Variants in SLC17A9 observed in about 807,000 individuals in gnomAD.
The protein encoded by SLC17A9 is solute carrier family 17 member 9.
Under a neutral mutation model 55.0 loss-of-function variants are expected in SLC17A9, and 49 were observed. The ratio of observed to expected loss-of-function variants is 0.89; its 90% CI spans 0.71 to 1.13. The LOEUF (loss-of-function observed/expected upper bound fraction) is 1.13, where lower values mean the gene tolerates loss of function less well. Ranked by LOEUF, SLC17A9 falls within the 50% of genes most tolerant of loss-of-function variation. The pLI is 0.00. For synonymous variants in SLC17A9, 256 were observed against 247.4 expected (o/e 1.03, Z -0.32); for missense variants, 526 against 569.3 (o/e 0.92, Z 0.77).
chr20:62,966,318 C>T (rs2065637990), intron 10 of SLC17A9, among the ~76,000 whole-genome samples: 1 of 147,020 alleles, frequency 6.8e-6, no homozygotes, highest in African/African-American at 2.5e-5. Flanking sequence ...GTGTGCAGGG[C>T]TGCAGTGCTC....
Position 62,969,387 on chromosome 20 carries a change from C to G in SLC17A9, c.*1887C>G, listed in dbSNP as rs1037480246. ...AAGGCTAGCTCCCCGTTGCTCTCCCCCAGCCCCGGCAACCCCATTCCACTT... is the reference window on the plus strand; with the variant it reads ...AAGGCTAGCTCCCCGTTGCTCTCCCGCAGCCCCGGCAACCCCATTCCACTT... On this transcript the variant is annotated 3_prime_UTR_variant, in exon 13 of 13. Coordinates refer to ENST00000370351, the MANE Select transcript of SLC17A9 (RefSeq NM_022082.4). The G allele has an allele frequency of 6.6e-6, 1 of 152,190 alleles. No individual in the cohort carries two copies. The highest frequency in any genetic ancestry group is 2.4e-5 in the African/African-American group (1 of 41,436). The allele number at this position is 152,190 out of a possible 1,614,324, so 9.4% of individuals were successfully genotyped here. A position where few individuals can be genotyped will look rare whatever the true frequency, so the allele number is the denominator to read the frequency against.
At position 62,964,222 on chromosome 20, in the gene SLC17A9, C is replaced by G. The variant is rs747794650; in HGVS notation, c.823-6C>G. The G allele has an allele frequency of 3.1e-6, 5 of 1,613,938 alleles. No homozygotes were observed. Among genetic ancestry groups the G allele is most frequent in the Admixed American group, 3.3e-5 (2 of 60,002 alleles). ...GCCCCCTCTAAGGCCAAACTCCCCC[C>G]TGCAGGGCTGGATCTTCAACGTGGT... On this transcript the variant is annotated splice_polypyrimidine_tract_variant and splice_region_variant and intron_variant, in intron 7 of 12. Transcript: ENST00000370351.
Position 62,962,409 on chromosome 20 carries a change from C to T in SLC17A9, c.498-215C>T, listed in dbSNP as rs1439460708. On this transcript the variant is annotated intron_variant, in intron 4 of 12. Transcript: ENST00000370351. The surrounding 1 kb of genome is among the most constrained non-coding windows in gnomAD (Gnocchi z 5.5). ...ACACATGCGTGGCTGGTCCCAGGTTCGCCCCAGCCCTGTGTGCCCGGAGTC... is the reference window on the plus strand; with the variant it reads ...ACACATGCGTGGCTGGTCCCAGGTTTGCCCCAGCCCTGTGTGCCCGGAGTC... The T allele has an allele frequency of 7.0e-6, 3 of 426,686 alleles. No homozygotes were observed. The highest frequency in any genetic ancestry group is 2.1e-5 in the African/African-American group (1 of 48,550). 26.4% of individuals were successfully genotyped at this position (426,686 alleles called of 1,614,324 possible).
At chr20:62,963,712 C>T (rs368012310) in intron 7 of SLC17A9, 32 bp downstream of exon 7, 16 of 1,549,984 alleles carry the variant, frequency 1.0e-5, no homozygotes, top group Admixed American at 3.9e-5. Context: ...GGTGAAGGAG[C>T]GCCCAGAAGG....
chr20:62,959,265 C>G (rs1336325484), intron 3 of SLC17A9, among the ~76,000 whole-genome samples: 1 of 152,214 alleles, frequency 6.6e-6, no homozygotes, highest in African/African-American at 2.4e-5. Context: ...GCTCTGGGGA[C>G]CCAGCAGGCA....
chr20:62,967,243 A>C (rs1354855598), intron 12 of SLC17A9, 94 bp from the exon 13 acceptor site: 3 of 1,481,478 alleles, frequency 2.0e-6, no homozygotes, highest in Non-Finnish European at 2.8e-6. Context: ...CTAGACCCCC[A>C]GCCCTTCCCC....
In SLC17A9 at chr20:62,967,335, AGGTGTCGTG is replaced by A; in HGVS notation, c.1152_1160del (p.Val385_Val387del). On this transcript the variant is annotated splice_acceptor_variant and coding_sequence_variant, in exon 13 of 13. Transcript: ENST00000370351. LOFTEE classifies it high-confidence loss of function. ...CAGCCCGCCTGGCCCTCTCTTGGGC[AGGTGTCGTG>A]GGTGTGTGTCTAGGCGGCTACTTGA... 1 of 1,613,900 alleles carries A rather than the reference AGGTGTCGTG, an allele frequency of 6.2e-7. No individual in the cohort carries two copies. Among genetic ancestry groups the A allele is most frequent in the Non-Finnish European group, 8.5e-7 (1 of 1,179,898 alleles).
In SLC17A9 at chr20:62,964,331, G is replaced by A; in HGVS notation, c.910+16G>A. On this transcript the variant is annotated intron_variant, in intron 8 of 12. Coordinates refer to ENST00000370351, the MANE Select transcript of SLC17A9 (RefSeq NM_022082.4). Reference sequence around the variant, plus strand: ...ATCAATCAGGGTGAGCCCCAGGGAGGGGACCGGGGCTGGAAGCCACACCCT... The same window carrying A: ...ATCAATCAGGGTGAGCCCCAGGGAGAGGACCGGGGCTGGAAGCCACACCCT... 1.2e-6 allele frequency: 2 copies of A among 1,613,384 alleles called. No homozygotes were observed. The highest frequency in any genetic ancestry group is 1.7e-6 in the Non-Finnish European group (2 of 1,179,280).
rs2065622706 is a variant in SLC17A9, at chr20:62,965,039, G to A, written c.911-93G>A. 3.4e-6 allele frequency: 5 copies of A among 1,460,626 alleles called. No individual in the cohort carries two copies. In the East Asian group the frequency reaches 1.1e-4, roughly 33 times the overall value. 90.5% of individuals were successfully genotyped at this position (1,460,626 alleles called of 1,614,324 possible). A position where few individuals can be genotyped will look rare whatever the true frequency, so the allele number is the denominator to read the frequency against. On this transcript the variant is annotated intron_variant, in intron 8 of 12. Coordinates refer to ENST00000370351, the MANE Select transcript of SLC17A9 (RefSeq NM_022082.4). ...TGAGCCCCAAGCCTCTTCCTCCCCTGCTGCCCCTCTGCAGCCATTCGGGAT... is the reference window on the plus strand; with the variant it reads ...TGAGCCCCAAGCCTCTTCCTCCCCTACTGCCCCTCTGCAGCCATTCGGGAT...
intron 1 of SLC17A9, among the ~76,000 whole-genome samples, chr20:62,955,844 T>C (rs1264829725): frequency 6.6e-6 from 1 of 152,220 alleles, no homozygotes; most frequent in Non-Finnish European, 1.5e-5. Context: ...ACTGTGTCCT[T>C]CTGTGGTAAC....
At chr20:62,953,585 G>A (rs2065510596) in intron 1 of SLC17A9, among the ~76,000 whole-genome samples, 1 of 152,238 alleles carries the variant, frequency 6.6e-6, no homozygotes, top group South Asian at 2.1e-4. Flanking sequence ...TCTGGGTCTT[G>A]GGCTGAGGCC....
intron 1 of SLC17A9, chr20:62,953,250 C>G: frequency 6.5e-7 from 1 of 1,550,282 alleles, no homozygotes; most frequent in Admixed American, 2.0e-5. Context: ...GACAAGCAGG[C>G]GCCAGGACAG....
rs763945222 is a variant in SLC17A9, at chr20:62,963,593, C to T, written c.735C>T (p.Val245=). Residue 245 remains valine (V), a synonymous_variant, in exon 7 of 13, where the codon GTC becomes GTT. Coordinates refer to ENST00000370351, the MANE Select transcript of SLC17A9 (RefSeq NM_022082.4). ...CCATTGGGCCCCGCAGGGCAGCCGT[C>T]GTCTCCCAGCTCTCTGCAGCCTGCT... ...LFRKPAVWAA[V]VSQLSAACSF... The T allele has an allele frequency of 1.1e-5, 17 of 1,594,542 alleles. No homozygotes were observed. In the East Asian group the frequency reaches 1.1e-4, roughly 11 times the overall value.
intron 10 of SLC17A9, 22 bp from the exon 11 acceptor site, chr20:62,966,503 C>T (rs1416520469): frequency 1.2e-6 from 2 of 1,613,190 alleles, no homozygotes; most frequent in Middle Eastern, 1.7e-4. Context: ...GGGCCACTCA[C>T]CACCCTCTTT....
rs2147658716 is a variant in SLC17A9 at position 62,964,314 on chromosome 20, G to A, written c.909G>A (p.Gln303=). The change falls in exon 8 of 13, where the codon CAG becomes CAA. Residue 303 remains glutamine (Q), a splice_region_variant and synonymous_variant. Coordinates refer to ENST00000370351, the MANE Select transcript of SLC17A9 (RefSeq NM_022082.4). ...TTCTCTCTGATCATCTCATCAATCA[G>A]GGTGAGCCCCAGGGAGGGGACCGGG... is the stretch of plus-strand genomic sequence containing the variant. ...SGFLSDHLIN[Q]GYRAITVRKL... is the part of the protein sequence containing the mutation. 1 of 1,614,138 alleles carries A rather than the reference G, an allele frequency of 6.2e-7. No homozygotes were observed. Among genetic ancestry groups the A allele is most frequent in the African/African-American group, 1.3e-5 (1 of 75,064 alleles).
chr20:62,966,746 C>G lies in SLC17A9; in HGVS notation c.1147+14C>G. 3.1e-6 allele frequency: 5 copies of G among 1,607,602 alleles called. No individual in the cohort carries two copies. Among genetic ancestry groups the G allele is most frequent in the Non-Finnish European group, 4.2e-6 (5 of 1,178,320 alleles). On this transcript the variant is annotated intron_variant, in intron 12 of 12. Transcript: ENST00000370351. ...GGGCCTTGGCAGGTGAGGGGCGGGC[C>G]TCTGTGCCCAGGAGTTCCCCTGTCT...
chr20:62,965,058 T>C, intron 8 of SLC17A9, 74 bp from the exon 9 acceptor site: 1 of 1,577,882 alleles, frequency 6.3e-7, no homozygotes, highest in South Asian at 1.1e-5. Flanking sequence ...CTGCAGCCAT[T>C]CGGGATGGGA....
Position 62,952,734 on chromosome 20 carries a change from C to G in SLC17A9, c.-97C>G, listed in dbSNP as rs927554268. ...AGACGGAAGCGCGCTGGGACTGACA[C>G]GTGGACTTGGGCGGTGCTGCCCGGG... On this transcript the variant is annotated 5_prime_UTR_variant, in exon 1 of 13. Coordinates refer to ENST00000370351, the MANE Select transcript of SLC17A9 (RefSeq NM_022082.4). The G allele has an allele frequency of 3.9e-6, 5 of 1,276,222 alleles. No homozygotes were observed. Among genetic ancestry groups the G allele is most frequent in the Admixed American group, 2.6e-5 (1 of 38,436 alleles). The allele number at this position is 1,276,222 out of a possible 1,614,324, so 79.1% of individuals were successfully genotyped here.
rs751792116 is a variant in SLC17A9, at chr20:62,962,612, CT to C, written c.498-11del. On this transcript the variant is annotated splice_polypyrimidine_tract_variant and intron_variant, in intron 4 of 12. Transcript: ENST00000370351. The surrounding 1 kb of genome is among the most constrained non-coding windows in gnomAD (Gnocchi z 5.5). ...GCTGAGGGGCCTGGCCACACTCCCC[CT>C]GTCTTTGCAGGACGCTGCTGACCGG... is the stretch of plus-strand genomic sequence containing the variant. The C allele has an allele frequency of 3.1e-6, 5 of 1,613,232 alleles. No homozygotes were observed. Among genetic ancestry groups the C allele is most frequent in the Non-Finnish European group, 3.4e-6 (4 of 1,179,530 alleles).
Sources: gnomAD v4.1 joint callset for allele counts (sites outside exome capture counted in the v4.1 genomes callset) on GRCh38, gnomAD v4.1.1 for gene constraint, Gnocchi (gnomAD v3.1) non-coding constraint, MANE v1.5 for transcripts, NCBI Gene and HGNC (gene_info 2026-07-23, HGNC 2026-07-21) for gene names.